KCNN2: variants seen among roughly 807,000 people sequenced by gnomAD.
The protein encoded by KCNN2 is small conductance calcium-activated potassium channel protein 2.
In KCNN2, 24 loss-of-function variants were observed where a neutral mutation model predicts 55.5. That is an observed-to-expected ratio of 0.43 (90% confidence interval 0.31 to 0.61). The LOEUF (loss-of-function observed/expected upper bound fraction) is 0.61. Ranked by LOEUF, KCNN2 falls within the 20% of genes least tolerant of loss-of-function variation. The pLI, the probability that KCNN2 is intolerant of heterozygous loss-of-function variation, is 0.08. For missense variants in KCNN2, 754 were observed against 853.6 expected, an observed-to-expected ratio of 0.88 and a Z score of 1.45; for synonymous variants, 431 against 336.1, an observed-to-expected ratio of 1.28 and a Z score of -3.09.
intron 2 of KCNN2, among the ~76,000 whole-genome samples, chr5:114,286,444 G>A (rs1755755049): frequency 6.6e-6 from 1 of 151,942 alleles, no homozygotes; most frequent in Non-Finnish European, 1.5e-5. Context: ...TTGAAACCAA[G>A]AAAAATAATT....
At chr5:114,415,442 A>G (rs903236838) in intron 3 of KCNN2, among the ~76,000 whole-genome samples, 1 of 152,236 alleles carries the variant, frequency 6.6e-6, no homozygotes, top group Non-Finnish European at 1.5e-5. Flanking sequence ...TGTGTATTAT[A>G]TATATTGTCA....
chr5:114,157,111 T>G (rs1752652272), intron 1 of KCNN2, among the ~76,000 whole-genome samples: 1 of 151,626 alleles, frequency 6.6e-6, no homozygotes, highest in Admixed American at 6.6e-5. Context: ...CCCATTGACT[T>G]GTCATTTAGC....
chr5:114,312,172 G>C (rs1171251670), intron 2 of KCNN2, among the ~76,000 whole-genome samples: 1 of 151,828 alleles, frequency 6.6e-6, no homozygotes, highest in Non-Finnish European at 1.5e-5. Context: ...ATTCACAAGA[G>C]GGGTGCTGCC....
chr5:114,268,092 G>A (rs1580675886), intron 2 of KCNN2, among the ~76,000 whole-genome samples: 1 of 152,150 alleles, frequency 6.6e-6, no homozygotes, highest in African/African-American at 2.4e-5. Context: ...TGCCCAAATT[G>A]CACACAGGGC....
chr5:114,188,638 C>G (rs903909345), intron 1 of KCNN2, among the ~76,000 whole-genome samples: 3 of 151,988 alleles, frequency 2.0e-5, no homozygotes, highest in African/African-American at 7.3e-5. Context: ...ATGCAAGATT[C>G]ATATATAAAA....
intron 5 of KCNN2, among the ~76,000 whole-genome samples, chr5:114,480,603 T>C (rs1762182239): frequency 6.6e-6 from 1 of 152,136 alleles, no homozygotes; most frequent in Non-Finnish European, 1.5e-5. Context: ...TGAACATTGA[T>C]GAAAAAATCC....
At chr5:114,223,199 C>T (rs1213517532) in intron 2 of KCNN2, among the ~76,000 whole-genome samples, 1 of 152,088 alleles carries the variant, frequency 6.6e-6, no homozygotes, top group Non-Finnish European at 1.5e-5. Context: ...CATCGTTTGA[C>T]ACTAACAGTT....
intron 2 of KCNN2, among the ~76,000 whole-genome samples, chr5:114,399,518 T>A (rs1389184672): frequency 1.3e-5 from 2 of 152,192 alleles, no homozygotes; most frequent in Non-Finnish European, 2.9e-5. Context: ...TGTTGAGATT[T>A]TTTGCATCAA....
rs1240529970 is a variant in KCNN2, at chr5:114,288,984, C to A, written c.-185+67419C>A. Among the ~76,000 whole-genome samples the A allele has an allele frequency of 2.0e-5, 3 of 151,856 alleles. No homozygotes were observed. The East Asian group carries it at 5.8e-4, about 29-fold the overall frequency. On this transcript the variant is annotated intron_variant, in intron 2 of 10. Transcript: ENST00000512097. ...TTCTAAGAGTTTTATGCTTTTTGCC[C>A]CTTGCTTTGCTCATTGACCCATCTT...
At chr5:114,379,489 A>G (rs1381661817) in intron 2 of KCNN2, among the ~76,000 whole-genome samples, 2 of 123,970 alleles carry the variant, frequency 1.6e-5, no homozygotes, top group Admixed American at 1.8e-4. Flanking sequence ...TATAGAATAT[A>G]TTATATAACA....
chr5:114,148,090 G>A (rs1373824565), intron 1 of KCNN2, among the ~76,000 whole-genome samples: 1 of 152,132 alleles, frequency 6.6e-6, no homozygotes, highest in East Asian at 1.9e-4. Context: ...ATTCCTTGAG[G>A]TAAAACTTTC....
intron 1 of KCNN2, among the ~76,000 whole-genome samples, chr5:114,195,286 C>A (rs567117955): frequency 1.3e-5 from 2 of 150,564 alleles, no homozygotes; most frequent in South Asian, 2.1e-4. Flanking sequence ...AGTAGTATTG[C>A]CAACTGAACA....
intron 1 of KCNN2, among the ~76,000 whole-genome samples, chr5:114,059,280 C>T (rs1200154141): frequency 6.6e-6 from 1 of 152,142 alleles, no homozygotes; most frequent in Non-Finnish European, 1.5e-5. Flanking sequence ...AGGGAAGATT[C>T]ACGTTCAAAG....
intron 4 of KCNN2, among the ~76,000 whole-genome samples, chr5:114,463,849 T>C (rs187928911): frequency 6.6e-6 from 1 of 152,318 alleles, no homozygotes; most frequent in Non-Finnish European, 1.5e-5. Flanking sequence ...AATTGATTTT[T>C]ACGCTGAAGT....
At chr5:114,067,319 T>TGA in intron 1 of KCNN2, among the ~76,000 whole-genome samples, 1 of 152,308 alleles carries the variant, frequency 6.6e-6, no homozygotes, top group East Asian at 1.9e-4. Flanking sequence ...CCTGGCAACC[T>TGA]GATAAAATGC....
At chr5:114,259,523 G>A (rs1453806493) in intron 2 of KCNN2, among the ~76,000 whole-genome samples, 2 of 152,180 alleles carry the variant, frequency 1.3e-5, no homozygotes, top group African/African-American at 2.4e-5. Flanking sequence ...TCCTCAAATC[G>A]ACCAGTTAAT....
In KCNN2 at chr5:114,376,642, T is replaced by A. The variant is rs1043665939; in HGVS notation, c.1218+12641T>A. ...ATTTGCTCACATTTCCTCTCTCCTC[T>A]TTTGTGTGAATGATGACCTGTACAT... On this transcript the variant is annotated intron_variant, in intron 2 of 7. Transcript: ENST00000673685. Among the ~76,000 whole-genome samples the A allele has an allele frequency of 2.0e-5, 3 of 152,204 alleles. No homozygotes were observed. In the East Asian group the frequency reaches 5.8e-4, roughly 29 times the overall value.
intron 1 of KCNN2, among the ~76,000 whole-genome samples, chr5:114,156,632 CT>C (rs1425344559): frequency 6.6e-6 from 1 of 151,990 alleles, no homozygotes; most frequent in Non-Finnish European, 1.5e-5. Context: ...ATATTTTATT[CT>C]TTTTGTGGCA....
chr5:114,330,256 G>C, intron 2 of KCNN2, among the ~76,000 whole-genome samples: 1 of 152,066 alleles, frequency 6.6e-6, no homozygotes, highest in East Asian at 1.9e-4. Flanking sequence ...CTTAGTTCAG[G>C]AAGTTCCTGG....
Sources: allele counts gnomAD v4.1 joint callset (sites outside exome capture counted in the v4.1 genomes callset), GRCh38; gene constraint gnomAD v4.1.1; transcripts MANE v1.5; gene names NCBI Gene and HGNC (gene_info 2026-07-23, HGNC 2026-07-21).